Variants in EIF2B5 observed in about 807,000 individuals in gnomAD.
EIF2B5 encodes eukaryotic translation initiation factor 2B subunit epsilon.
EIF2B5 carries 38 observed loss-of-function variants against 87.3 expected under a neutral mutation model. The observed-to-expected ratio is 0.44, with a 90% CI of 0.34 to 0.57. EIF2B5 has a LOEUF of 0.57. Among genes scored for constraint, EIF2B5 ranks in the 20% least tolerant of loss-of-function variants. The pLI, the probability that EIF2B5 is intolerant of heterozygous loss-of-function variation, is 0.02. For missense variants in EIF2B5, 784 were observed against 909.5 expected (o/e 0.86, Z 1.78); for synonymous variants, 313 against 339.6 (o/e 0.92, Z 0.86).
In EIF2B5 at chr3:184,144,194, G is replaced by A. The variant is rs1713763361; in HGVS notation, c.1965G>A (p.Glu655=). 1 of 1,614,082 alleles carries A rather than the reference G, an allele frequency of 6.2e-7. No homozygotes were observed. The highest frequency in any genetic ancestry group is 1.1e-5 in the South Asian group (1 of 91,092). ...CAGCCATTGAGGACTTCTTCCTAGA[G>A]CATGAAGCTCTTGGTATTTCCATGG... ...ALAAIEDFFL[E]HEALGISMAK... Residue 655 remains glutamate, a synonymous_variant, in exon 14 of 16, where the codon GAG becomes GAA. Coordinates refer to ENST00000648915, the MANE Select transcript of EIF2B5 (RefSeq NM_003907.3).
At chr3:184,136,131 G>C (rs1208677538) in intron 1 of EIF2B5, among the ~76,000 whole-genome samples, 1 of 152,152 alleles carries the variant, frequency 6.6e-6, no homozygotes, top group Non-Finnish European at 1.5e-5. Context: ...TCGTTCAGCA[G>C]TCAGTTCAGA....
At chr3:184,136,284 A>G (rs868188345) in intron 1 of EIF2B5, among the ~76,000 whole-genome samples, 21 of 152,246 alleles carry the variant, frequency 1.4e-4, no homozygotes, top group African/African-American at 4.6e-4. Context: ...CTTATGGGGA[A>G]GAAGGCCTTA....
chr3:184,142,916 C>T lies in EIF2B5; in HGVS notation c.1654+30C>T. 1 of 1,594,982 alleles carries T rather than the reference C, an allele frequency of 6.3e-7. No individual in the cohort carries two copies. Among genetic ancestry groups the T allele is most frequent in the Non-Finnish European group, 8.6e-7 (1 of 1,166,604 alleles). ...GTGGCAGGGGAGAAATGCGCTGGAC[C>T]AGTTTATTCTCTGCCTGGATCAACT... On this transcript the variant is annotated intron_variant, in intron 11 of 15. Transcript: ENST00000648915. This position sits in a 1 kb window ranked among gnomAD's most constrained non-coding sequence, Gnocchi z 5.0.
intron 12 of EIF2B5, 33 bp downstream of exon 12, chr3:184,143,175 T>C (rs753344328): frequency 1.2e-6 from 2 of 1,604,346 alleles, no homozygotes; most frequent in African/African-American, 1.3e-5. Flanking sequence ...CTCCTCGGGG[T>C]GATCCCGGGA....
At chr3:184,144,064 A>G in intron 13 of EIF2B5, 35 bp from the exon 14 acceptor site, 1 of 1,614,196 alleles carries the variant, frequency 6.2e-7, no homozygotes, top group Non-Finnish European at 8.5e-7. Context: ...GTGAATGCTT[A>G]GGAATATACT....
chr3:184,142,146 C>T lies in EIF2B5; in HGVS notation c.1302+76C>T. ...ACTGAGCCAGAAGGGGCATTATTTC[C>T]ACCCATAATCCTGTCTAAAAAAGTT... On this transcript the variant is annotated intron_variant, in intron 8 of 15. Coordinates refer to ENST00000648915, the MANE Select transcript of EIF2B5 (RefSeq NM_003907.3). The surrounding 1 kb of genome is among the most constrained non-coding windows in gnomAD (Gnocchi z 5.0). The T allele has an allele frequency of 6.2e-7, 1 of 1,613,866 alleles. No homozygotes were observed. Among genetic ancestry groups the T allele is most frequent in the African/African-American group, 1.3e-5 (1 of 75,026 alleles).
In EIF2B5 at chr3:184,137,611, T is replaced by G; in HGVS notation, c.321-9T>G. On this transcript the variant is annotated splice_polypyrimidine_tract_variant and intron_variant, in intron 2 of 15. Coordinates refer to ENST00000648915, the MANE Select transcript of EIF2B5 (RefSeq NM_003907.3). ...ATACACTCATTCCCCTCACCCTCCC[T>G]TCCTTTAGGAAGTCAAAGTGGTGCC... 1 of 1,613,834 alleles carries G rather than the reference T, an allele frequency of 6.2e-7. No individual in the cohort carries two copies. Among genetic ancestry groups the G allele is most frequent in the Non-Finnish European group, 8.5e-7 (1 of 1,179,738 alleles).
Position 184,140,686 on chromosome 3 carries a change from A to G in EIF2B5, c.1112A>G (p.Asn371Ser). ...GGCTCTGGCACTGTCATTGGCAGCA[A>G]TTGCTTTATCACCAACAGTGTCATT... is the stretch of plus-strand genomic sequence containing the variant. ...LLGSGTVIGS[N>S]CFITNSVIGP... The change falls in exon 7 of 16, where the codon AAT becomes AGT. Residue 371 changes from asparagine (N) to serine (S), a missense_variant. Asn to Ser is a conservative substitution (Grantham distance 46). Around this residue, in one of 3 missense-constraint regions of EIF2B5, gnomAD observed 660 missense variants for 789.5 expected, o/e 0.84. Transcript: ENST00000648915. 2 of 1,614,146 alleles carry G rather than the reference A, an allele frequency of 1.2e-6. No homozygotes were observed. Among genetic ancestry groups the G allele is most frequent in the Non-Finnish European group, 8.5e-7 (1 of 1,180,028 alleles).
Position 184,144,994 on chromosome 3 carries a change from G to A in EIF2B5, c.*51G>A. ...GTGATTGAGTGCCCTCCTGGCTCCT[G>A]GGCTGGGACAAGTGAGGAACTAGCT... On this transcript the variant is annotated 3_prime_UTR_variant, in exon 16 of 16. Coordinates refer to ENST00000648915, the MANE Select transcript of EIF2B5 (RefSeq NM_003907.3). The A allele has an allele frequency of 6.3e-7, 1 of 1,575,742 alleles. No homozygotes were observed. Among genetic ancestry groups the A allele is most frequent in the Non-Finnish European group, 8.7e-7 (1 of 1,148,306 alleles).
chr3:184,139,330 G>A (rs2109008134), intron 5 of EIF2B5, among the ~76,000 whole-genome samples: 1 of 123,662 alleles, frequency 8.1e-6, no homozygotes, highest in East Asian at 2.4e-4. Flanking sequence ...TGCCCAGGCT[G>A]GATGCAATGG....
At position 184,144,938 on chromosome 3, in the gene EIF2B5, G is replaced by T; in HGVS notation, c.2161G>T (p.Asp721Tyr). Reference sequence around the variant, plus strand: ...GGCAGAAGAGGAGTCATCTGAAGATGACTGAAGTCACACTGCCTGCTCCTT... The same window carrying T: ...GGCAGAAGAGGAGTCATCTGAAGATTACTGAAGTCACACTGCCTGCTCCTT... ...KEAEEESSEDD is the reference protein window; with the variant it reads ...KEAEEESSEDY The change falls in exon 16 of 16, where the codon GAC becomes TAC. Residue 721 changes from aspartate (D) to tyrosine (Y), a missense_variant. Transcript: ENST00000648915. 6.2e-7 allele frequency: 1 copy of T among 1,613,542 alleles called. No individual in the cohort carries two copies. The highest frequency in any genetic ancestry group is 1.1e-5 in the South Asian group (1 of 90,916).
chr3:184,138,145 C>A (rs1166799320), intron 4 of EIF2B5, 21 bp from the exon 5 acceptor site: 1 of 1,614,020 alleles, frequency 6.2e-7, no homozygotes, highest in Admixed American at 1.7e-5. Context: ...AAATTAAAGT[C>A]CTTGTAACTT....
intron 7 of EIF2B5, among the ~76,000 whole-genome samples, chr3:184,141,069 T>G (rs1713613077): frequency 6.6e-6 from 1 of 152,226 alleles, no homozygotes; most frequent in Non-Finnish European, 1.5e-5. Context: ...ATCTTCATAA[T>G]TTACAAATAA....
intron 7 of EIF2B5, among the ~76,000 whole-genome samples, chr3:184,141,644 A>G (rs183422188): frequency 1.4e-3 from 220 of 152,234 alleles, no homozygotes; most frequent in African/African-American, 5.0e-3. Flanking sequence ...AGGCGTGGAT[A>G]TGATTCTAAT....
chr3:184,138,289 C>T lies in EIF2B5; in HGVS notation c.765+43C>T, dbSNP rs201032906. On this transcript the variant is annotated intron_variant, in intron 5 of 15. Transcript: ENST00000648915. ...GGGGCTGCACACCCAAAGAGTAGAACTCTGTGGGTCTGTTATTGTCCCCTT... is the reference window on the plus strand; with the variant it reads ...GGGGCTGCACACCCAAAGAGTAGAATTCTGTGGGTCTGTTATTGTCCCCTT... 196 of 1,552,438 alleles carry T rather than the reference C, an allele frequency of 1.3e-4. No individual in the cohort carries two copies. The African/African-American group carries it at 2.2e-3, about 17-fold the overall frequency.
intron 5 of EIF2B5, among the ~76,000 whole-genome samples, chr3:184,139,772 C>G (rs1011809977): frequency 2.7e-5 from 4 of 150,746 alleles, no homozygotes; most frequent in African/African-American, 9.8e-5. Flanking sequence ...AATCCCAGCA[C>G]TTTGGGAGGC....
intron 5 of EIF2B5, among the ~76,000 whole-genome samples, chr3:184,139,545 T>G (rs1713526978): frequency 6.6e-6 from 1 of 150,632 alleles, no homozygotes; most frequent in South Asian, 2.1e-4. Context: ...CCTCCCAAAG[T>G]GCTGGCATTA....
In EIF2B5 at chr3:184,143,563, C is replaced by G. The variant is rs779711822; in HGVS notation, c.1867C>G (p.Pro623Ala). Residue 623 changes from proline (P) to alanine (A), a missense_variant and splice_region_variant, in exon 13 of 16, where the codon CCT becomes GCT. Coordinates refer to ENST00000648915, the MANE Select transcript of EIF2B5 (RefSeq NM_003907.3). ...DSSRYCALLLPLLKAWSPVFR... is the reference protein window; with the variant it reads ...DSSRYCALLLALLKAWSPVFR... ...AAGCCGCTACTGTGCCCTGCTGCTT[C>G]CTGTGAGCAAAGATTGGAGCTGAGT... 6.2e-7 allele frequency: 1 copy of G among 1,614,184 alleles called. No homozygotes were observed. The highest frequency in any genetic ancestry group is 8.5e-7 in the Non-Finnish European group (1 of 1,180,048).
At position 184,144,892 on chromosome 3, in the gene EIF2B5, G is replaced by A. The variant is rs1016342775; in HGVS notation, c.2115G>A (p.Arg705=). ...CCTCTGCTTCTTTACAGCTGCAGAG[G>A]TTCATCCAGTGGCTAAAAGAGGCAG... ...QQLRKNQQLQ[R]FIQWLKEAEE... Residue 705 remains arginine, a synonymous_variant, in exon 16 of 16, where the codon AGG becomes AGA. Transcript: ENST00000648915. 6.2e-7 allele frequency: 1 copy of A among 1,613,728 alleles called. No individual in the cohort carries two copies. Among genetic ancestry groups the A allele is most frequent in the Non-Finnish European group, 8.5e-7 (1 of 1,179,992 alleles).
Sources: allele counts gnomAD v4.1 joint callset (sites outside exome capture counted in the v4.1 genomes callset), GRCh38; gene constraint gnomAD v4.1.1; regional missense constraint gnomAD v4.1.1; non-coding constraint Gnocchi (gnomAD v3.1); transcripts MANE v1.5; gene names NCBI Gene and HGNC (gene_info 2026-07-23, HGNC 2026-07-21).